The following GPR89B variants were observed in gnomAD, a reference collection of about 807,000 sequenced individuals.
GPR89B encodes the protein golgi pH regulator B, also known as G protein-coupled receptor 89B.
Under a neutral mutation model 52.4 loss-of-function variants are expected in GPR89B, and 25 were observed. The observed-to-expected ratio is 0.48, with a 90% CI of 0.35 to 0.67. GPR89B has a LOEUF of 0.67. GPR89B is among the 30% of genes least tolerant of loss of function. GPR89B has a pLI of 0.01. For synonymous variants in GPR89B, 52 were observed against 151.2 expected, an observed-to-expected ratio of 0.34 and a Z score of 4.81; for missense variants, 146 against 450.2, an observed-to-expected ratio of 0.32 and a Z score of 6.11.
intron 8 of GPR89B, chr1:147,968,638 A>G (rs1571288571): frequency 1.6e-6 from 1 of 609,452 alleles, no homozygotes; most frequent in East Asian, 2.8e-5. Flanking sequence ...GCTTGACTTA[A>G]GAGAAACTGA....
intron 5 of GPR89B, among the ~76,000 whole-genome samples, chr1:147,950,130 T>TCCCAG (rs1485634052): frequency 6.6e-6 from 1 of 150,454 alleles, no homozygotes; most frequent in African/African-American, 2.5e-5. Context: ...GCTCCTCACT[T>TCCCAG]CCCAGACGGG....
At chr1:147,988,317 G>A in intron 11 of GPR89B, 115 bp from the exon 12 acceptor site, 2 of 1,384,456 alleles carry the variant, frequency 1.4e-6, no homozygotes, top group South Asian at 1.2e-5. Context: ...AAAAAAATCA[G>A]GTAGGGTCTA....
rs1310819078 is a variant in GPR89B at position 147,973,646 on chromosome 1, T to C, written c.909+3687T>C. Reference sequence around the variant, plus strand: ...CTGTTCACCCTGATGATAGTTTCTTTAGCTGTGCAGAAGCTCTTTAGTTTA... The same window carrying C: ...CTGTTCACCCTGATGATAGTTTCTTCAGCTGTGCAGAAGCTCTTTAGTTTA... On this transcript the variant is annotated intron_variant, in intron 10 of 13. Transcript: ENST00000314163. 4.0e-5 allele frequency among the ~76,000 whole-genome samples: 6 copies of C among 151,250 alleles called. No individual in the cohort carries two copies. In the South Asian group the frequency reaches 1.2e-3, roughly 31 times the overall value.
At chr1:147,941,648 A>G (rs1398588451) in intron 3 of GPR89B, among the ~76,000 whole-genome samples, 2 of 150,116 alleles carry the variant, frequency 1.3e-5, no homozygotes, top group East Asian at 3.9e-4. Flanking sequence ...TTTCATTGTA[A>G]TCTTGTTAAT....
At chr1:148,004,837 A>T in the GPR89B span, among the ~76,000 whole-genome samples, 1 of 81,276 alleles carries the variant, frequency 1.2e-5, no homozygotes, top group Non-Finnish European at 2.6e-5. Context: ...ACTTGAGCTC[A>T]GGAGTTCAAG....
At chr1:147,930,110 G>A (rs1653435379) in intron 1 of GPR89B, among the ~76,000 whole-genome samples, 1 of 152,200 alleles carries the variant, frequency 6.6e-6, no homozygotes, top group African/African-American at 2.4e-5. Flanking sequence ...TTGAACCAAG[G>A]AAGTGGCTTT....
the GPR89B span, among the ~76,000 whole-genome samples, chr1:148,004,386 C>G: frequency 6.7e-6 from 1 of 149,800 alleles, no homozygotes; most frequent in African/African-American, 2.5e-5. Context: ...AGGATGGTCT[C>G]GATCTCCTGA....
At chr1:148,009,378 C>T in the GPR89B span, 3 of 1,611,954 alleles carry the variant, frequency 1.9e-6, no homozygotes, top group African/African-American at 1.3e-5. Context: ...ATGGCTGCCT[C>T]CCTCCTTCAC....
At chr1:147,957,974 G>A (rs1479020281) in intron 7 of GPR89B, among the ~76,000 whole-genome samples, 70 of 151,322 alleles carry the variant, frequency 4.6e-4, no homozygotes, top group Middle Eastern at 3.4e-3. Context: ...TGAGGCAGGA[G>A]AACGGTGTGA....
At chr1:147,985,903 A>T (rs1182746401) in intron 10 of GPR89B, among the ~76,000 whole-genome samples, 1 of 152,242 alleles carries the variant, frequency 6.6e-6, no homozygotes, top group African/African-American at 2.4e-5. Flanking sequence ...ATCTGACTTC[A>T]TCTACCAAAA....
At chr1:148,013,708 A>C in the GPR89B span, among the ~76,000 whole-genome samples, 1 of 152,088 alleles carries the variant, frequency 6.6e-6, no homozygotes, top group East Asian at 1.9e-4. Context: ...GGCTGTGCCA[A>C]GAGAAGCAGC....
chr1:147,938,877 A>G (rs1267184540), intron 3 of GPR89B, 60 bp downstream of exon 3: 6 of 1,550,736 alleles, frequency 3.9e-6, no homozygotes, highest in Non-Finnish European at 5.2e-6. Flanking sequence ...TTTACAGTGG[A>G]AAAGCTATTG....
At chr1:148,008,909 C>G in the GPR89B span, among the ~76,000 whole-genome samples, 1 of 152,112 alleles carries the variant, frequency 6.6e-6, no homozygotes, top group African/African-American at 2.4e-5. Flanking sequence ...GAATGACTAT[C>G]TGGGCACTCA....
At chr1:147,937,177 C>T (rs1370766832) in intron 2 of GPR89B, among the ~76,000 whole-genome samples, 10 of 151,248 alleles carry the variant, frequency 6.6e-5, no homozygotes, top group Non-Finnish European at 1.5e-4. Context: ...TACAGCTGGG[C>T]CTCCAGGAGT....
chr1:148,001,059 C>G, the GPR89B span, among the ~76,000 whole-genome samples: 5 of 73,696 alleles, frequency 6.8e-5, no homozygotes, highest in South Asian at 2.2e-3. Flanking sequence ...CATAGATTTT[C>G]TCAGATCACC....
intron 1 of GPR89B, among the ~76,000 whole-genome samples, chr1:147,935,428 TAAG>T (rs1179894182): frequency 1.3e-5 from 2 of 152,198 alleles, no homozygotes; most frequent in Non-Finnish European, 2.9e-5. Flanking sequence ...CTAGCCAGTT[TAAG>T]AAGAAAAGAG....
intron 11 of GPR89B, among the ~76,000 whole-genome samples, chr1:147,987,240 G>T (rs1178509394): frequency 6.6e-6 from 1 of 152,170 alleles, no homozygotes; most frequent in African/African-American, 2.4e-5. Context: ...TGCTTTACAG[G>T]CCACGCAGTA....
At chr1:147,985,432 T>C (rs1658593714) in intron 10 of GPR89B, among the ~76,000 whole-genome samples, 3 of 151,962 alleles carry the variant, frequency 2.0e-5, no homozygotes, top group Admixed American at 6.6e-5. Context: ...TGCCATTTCA[T>C]TGACATGTTT....
At chr1:147,951,998 A>T (rs138943670) in intron 5 of GPR89B, among the ~76,000 whole-genome samples, 1 of 152,208 alleles carries the variant, frequency 6.6e-6, no homozygotes, top group African/African-American at 2.4e-5. Context: ...TCATGACCAT[A>T]GTGTAGAGTG....
Sources: allele counts gnomAD v4.1 joint callset (sites outside exome capture counted in the v4.1 genomes callset), GRCh38; gene constraint gnomAD v4.1.1; transcripts MANE v1.5; gene names NCBI Gene and HGNC (gene_info 2026-07-23, HGNC 2026-07-21).